The following DIS3L2 variants were observed in gnomAD, a reference collection of about 807,000 sequenced individuals.
DIS3L2 encodes the protein DIS3-like exonuclease 2.
In DIS3L2, 34 loss-of-function variants were observed where a neutral mutation model predicts 97.5. The observed-to-expected ratio is 0.35, with a 90% CI of 0.27 to 0.46. The LOEUF is 0.46. DIS3L2 is among the 20% of genes least tolerant of loss of function. The probability of loss-of-function intolerance (pLI) is 1.00; values close to 1 mark genes in which losing one functional copy is unlikely to be tolerated. For missense variants in DIS3L2, 1,038 were observed against 1,146.0 expected (o/e 0.91, Z 1.36); for synonymous variants, 435 against 445.2 (o/e 0.98, Z 0.29).
intron 10 of DIS3L2, among the ~76,000 whole-genome samples, chr2:232,212,791 A>G (rs543774146): frequency 8.5e-4 from 129 of 152,278 alleles, no homozygotes; most frequent in Non-Finnish European, 1.5e-3. Flanking sequence ...AGCAAAATCA[A>G]TAGGGGGGGT....
At chr2:232,216,084 T>G (rs1291556496) in intron 10 of DIS3L2, among the ~76,000 whole-genome samples, 4 of 152,240 alleles carry the variant, frequency 2.6e-5, no homozygotes, top group Non-Finnish European at 5.9e-5. Context: ...GCTCTAGAAC[T>G]TTCACTTGTG....
intron 10 of DIS3L2, among the ~76,000 whole-genome samples, chr2:232,233,066 G>A (rs1692839076): frequency 6.6e-6 from 1 of 152,166 alleles, no homozygotes; most frequent in African/African-American, 2.4e-5. Flanking sequence ...GGCCTACAAA[G>A]GTTTGGATTC....
intron 17 of DIS3L2, among the ~76,000 whole-genome samples, 184 bp from the exon 18 acceptor site, chr2:232,334,185 C>T (rs1159308269): frequency 6.6e-6 from 1 of 152,210 alleles, no homozygotes; most frequent in Non-Finnish European, 1.5e-5. Context: ...AGCCCACAGC[C>T]AGCCCTGGAC....
At position 231,988,367 on chromosome 2, in the gene DIS3L2, T is replaced by C. The variant is rs111604983; in HGVS notation, c.-93-26468T>C. 1.4e-4 allele frequency among the ~76,000 whole-genome samples: 21 copies of C among 152,350 alleles called. 2 individuals carry two copies. Among genetic ancestry groups the C allele is most frequent in the African/African-American group, 5.1e-4 (21 of 41,584 alleles). The stretch of plus-strand genomic sequence containing the variant: ...GTGGAGCTAGAGTGAGGGTTGTCTT[T>C]GTAGGGCCTCTCTCAGGTCCACCAG... On this transcript the variant is annotated intron_variant, in intron 1 of 20. Coordinates refer to ENST00000325385, the MANE Select transcript of DIS3L2 (RefSeq NM_152383.5).
intron 10 of DIS3L2, among the ~76,000 whole-genome samples, chr2:232,222,919 G>A (rs72994257): frequency 0.012 from 1,820 of 152,310 alleles, 17 homozygotes; most frequent in Non-Finnish European, 0.018. Flanking sequence ...CCTTTTTGAG[G>A]ACACAGAATC....
chr2:232,165,354 T>C (rs1201048677), intron 9 of DIS3L2, among the ~76,000 whole-genome samples: 1 of 152,174 alleles, frequency 6.6e-6, no homozygotes. Context: ...TATACACATA[T>C]ACATATATGT....
In DIS3L2 at chr2:232,087,722, G is replaced by A. The variant is rs747497458; in HGVS notation, c.601+1G>A. 6.2e-7 allele frequency: 1 copy of A among 1,611,340 alleles called. No individual in the cohort carries two copies. Among genetic ancestry groups the A allele is most frequent in the East Asian group, 2.2e-5 (1 of 44,862 alleles). ...CTCTCAGTTTGTGTTTCTGAGAAAGGTGAGTACTAGACTATTGTCTTACTT... is the reference window on the plus strand; with the variant it reads ...CTCTCAGTTTGTGTTTCTGAGAAAGATGAGTACTAGACTATTGTCTTACTT... On this transcript the variant is annotated splice_donor_variant, in intron 6 of 20. Transcript: ENST00000325385. LOFTEE classifies it high-confidence loss of function.
intron 3 of DIS3L2, among the ~76,000 whole-genome samples, chr2:232,020,920 T>C (rs899614539): frequency 8.5e-5 from 13 of 152,150 alleles, no homozygotes; most frequent in Non-Finnish European, 4.4e-5. Context: ...GCGTCTGTTA[T>C]TCAGGTTAGG....
At chr2:232,020,032 T>C (rs191791559) in intron 3 of DIS3L2, among the ~76,000 whole-genome samples, 1 of 152,058 alleles carries the variant, frequency 6.6e-6, no homozygotes, top group Admixed American at 6.6e-5. Context: ...ATAGCTCAGC[T>C]AGTAGAACAG....
chr2:232,211,231 A>C (rs540890413), intron 10 of DIS3L2, among the ~76,000 whole-genome samples: 73 of 151,614 alleles, frequency 4.8e-4, no homozygotes, highest in African/African-American at 1.5e-3. Context: ...TGCAGCCTCA[A>C]TCTTCCAAGC....
chr2:232,062,386 G>A lies in DIS3L2; in HGVS notation c.367-25101G>A, dbSNP rs192125479. ...TGAATTCACAGTTCCTGGAAAGTGG[G>A]TATGTTTAGTATAGAGATGCTCTTT... is the stretch of plus-strand genomic sequence containing the variant. On this transcript the variant is annotated intron_variant, in intron 5 of 20. Transcript: ENST00000325385. Among the ~76,000 whole-genome samples, 619 of 152,240 alleles carry A rather than the reference G, an allele frequency of 4.1e-3. 4 individuals carry two copies. The highest frequency in any genetic ancestry group is 0.014 in the African/African-American group (587 of 41,526).
chr2:232,078,013 CTTTCTTTT>C (rs1412158979), intron 5 of DIS3L2, among the ~76,000 whole-genome samples: 296 of 85,574 alleles, frequency 3.5e-3, no homozygotes, highest in Middle Eastern at 5.7e-3. Flanking sequence ...TTCTTTCTTT[CTTTCTTTT>C]TCTCTTTCTC....
At chr2:232,231,396 C>G (rs1392301346) in intron 10 of DIS3L2, among the ~76,000 whole-genome samples, 3 of 152,186 alleles carry the variant, frequency 2.0e-5, no homozygotes, top group Admixed American at 1.3e-4. Flanking sequence ...CTGGTGCTAC[C>G]CTAAAAGCAC....
intron 14 of DIS3L2, 28 bp from the exon 15 acceptor site, chr2:232,329,785 T>TGCCGGGGGGGGCCACCCC: frequency 1.0e-6 from 1 of 967,144 alleles, no homozygotes; most frequent in Non-Finnish European, 1.5e-6. Flanking sequence ...ACCCCAGCGG[T>TGCCGGGGGGGGCCACCCC]CCCTCCCATC....
chr2:232,299,476 C>G (rs551304320), intron 13 of DIS3L2, among the ~76,000 whole-genome samples: 1 of 152,356 alleles, frequency 6.6e-6, no homozygotes, highest in Admixed American at 6.5e-5. Context: ...TCCTGCAGCT[C>G]CTGCCCCAGG....
chr2:232,042,877 G>C (rs1314513757), intron 5 of DIS3L2, among the ~76,000 whole-genome samples: 2 of 152,144 alleles, frequency 1.3e-5, no homozygotes, highest in Non-Finnish European at 2.9e-5. Flanking sequence ...TAAATACTTA[G>C]GGCAGTGATG....
At chr2:232,297,184 C>T (rs983601103) in intron 13 of DIS3L2, among the ~76,000 whole-genome samples, 1 of 152,184 alleles carries the variant, frequency 6.6e-6, no homozygotes, top group East Asian at 1.9e-4. Context: ...TCTCTATGCC[C>T]TCTCTCACTT....
At chr2:232,222,668 T>C (rs1692536106) in intron 10 of DIS3L2, among the ~76,000 whole-genome samples, 1 of 152,166 alleles carries the variant, frequency 6.6e-6, no homozygotes, top group South Asian at 2.1e-4. Flanking sequence ...GGTTTCACCA[T>C]GTTGGCCAGG....
At chr2:232,123,259 C>T (rs1016262165) in intron 6 of DIS3L2, among the ~76,000 whole-genome samples, 1 of 151,972 alleles carries the variant, frequency 6.6e-6, no homozygotes, top group African/African-American at 2.4e-5. Context: ...CTTTGAATTG[C>T]TGGTTGCTTT....
Sources: allele counts gnomAD v4.1 joint callset (sites outside exome capture counted in the v4.1 genomes callset), GRCh38; gene constraint gnomAD v4.1.1; transcripts MANE v1.5; gene names NCBI Gene and HGNC (gene_info 2026-07-23, HGNC 2026-07-21).